Variants in CTSB observed in about 807,000 individuals in gnomAD.
CTSB encodes the protein APP secretase.
A neutral mutation model predicts 44.3 loss-of-function variants in CTSB; 57 were observed. That is an observed-to-expected ratio of 1.29 (90% CI 1.04 to 1.60). The LOEUF (loss-of-function observed/expected upper bound fraction) is 1.60. CTSB is among the 40% of genes most tolerant of loss of function. The pLI is 0.00. For missense variants in CTSB, 768 were observed against 443.0 expected (o/e 1.73, Z -6.59); for synonymous variants, 320 against 168.0 (o/e 1.91, Z -7.00).
In CTSB at chr8:11,847,041, T is replaced by TCA; in HGVS notation, c.793+9_793+10dup. The stretch of plus-strand genomic sequence containing the variant: ...CCCCACCCTCTATTGCCATCAGCCA[T>TCA]CAGCACGCACCTGACTTGTAGAGCA... On this transcript the variant is annotated intron_variant, in intron 8 of 9. Transcript: ENST00000353047. The TCA allele has an allele frequency of 1.4e-6, 1 of 696,242 alleles. No individual in the cohort carries two copies. Among genetic ancestry groups the TCA allele is most frequent in the Non-Finnish European group, 2.5e-6 (1 of 404,664 alleles). 43.1% of individuals were successfully genotyped at this position (696,242 alleles called of 1,614,324 possible).
chr8:11,853,271 C>A (rs1003608150), intron 2 of CTSB, 58 bp downstream of exon 2: 9 of 1,595,230 alleles, frequency 5.6e-6, no homozygotes, highest in South Asian at 1.1e-5. Context: ...TTCCTGGAGT[C>A]AGTGTGCACA....
chr8:11,862,185 C>T (rs542756346), intron 1 of CTSB, among the ~76,000 whole-genome samples: 120 of 143,284 alleles, frequency 8.4e-4, no homozygotes, highest in African/African-American at 3.0e-3. Flanking sequence ...CCAGCCTGGG[C>T]GACAGAGTCA....
intron 1 of CTSB, among the ~76,000 whole-genome samples, chr8:11,861,119 G>A (rs1816342228): frequency 1.3e-5 from 2 of 152,296 alleles, no homozygotes; most frequent in South Asian, 2.1e-4. Context: ...TTAAATTAAG[G>A]ACAAAAACAA....
Position 11,845,597 on chromosome 8 carries a change from C to T in CTSB, c.922+64G>A, listed in dbSNP as rs950538366. The T allele has an allele frequency of 4.1e-5, 65 of 1,571,680 alleles. 1 individual carries two copies. The highest frequency in any genetic ancestry group is 6.8e-5 in the East Asian group (3 of 44,180). ...GTGCGGTGGGTAGAACAGAGAAAGC[C>T]GAGATGGCCACGGGGTGTGGCTCAC... On this transcript the variant is annotated intron_variant, in intron 9 of 9. Transcript: ENST00000353047.
chr8:11,856,825 C>A (rs998275608), intron 1 of CTSB, among the ~76,000 whole-genome samples: 3 of 148,558 alleles, frequency 2.0e-5, no homozygotes, highest in Non-Finnish European at 3.0e-5. Flanking sequence ...GGTGGGGAGA[C>A]TTTTTTTCAC....
intron 3 of CTSB, among the ~76,000 whole-genome samples, chr8:11,852,009 G>T (rs1312123289): frequency 6.6e-6 from 1 of 152,082 alleles, no homozygotes; most frequent in Non-Finnish European, 1.5e-5. Context: ...ACTCAAGATT[G>T]AGTCTGCCCA....
chr8:11,850,643 C>T (rs1249092010), intron 4 of CTSB: 14 of 416,296 alleles, frequency 3.4e-5, no homozygotes, highest in South Asian at 1.5e-4. Context: ...CACCTGTACA[C>T]GTGGACTTGC....
In CTSB at chr8:11,845,638, G is replaced by A. The variant is rs759335613; in HGVS notation, c.922+23C>T. ...TGTGGCTCACAATTCACTGTTCTTG[G>A]CAGGAAGGGGGCAGCCACTCACCAT... On this transcript the variant is annotated intron_variant, in intron 9 of 9. Coordinates refer to ENST00000353047, the MANE Select transcript of CTSB (RefSeq NM_001908.5). 7 of 1,608,814 alleles carry A rather than the reference G, an allele frequency of 4.4e-6. No individual in the cohort carries two copies. In the South Asian group the frequency reaches 7.7e-5, roughly 18 times the overall value.
intron 2 of CTSB, 113 bp from the exon 3 acceptor site, chr8:11,852,808 G>C (rs753983379): frequency 2.2e-5 from 20 of 920,616 alleles, no homozygotes; most frequent in African/African-American, 3.3e-5. Context: ...CCCAATTCAA[G>C]GGCCCAAGGG....
At position 11,847,122 on chromosome 8, in the gene CTSB, G is replaced by T. The variant is rs772885286; in HGVS notation, c.723C>A (p.Ala241=). Residue 241 remains alanine, a synonymous_variant, in exon 8 of 10, where the codon GCC becomes GCA. Transcript: ENST00000353047. The stretch of plus-strand genomic sequence containing the variant: ...CCACGGGGCCGTTTTTGTAGATCTC[G>T]GCCATGATGTCCTTCTCGCTATTGG... ...SVSNSEKDIM[A]EIYKNGPVEG... The T allele has an allele frequency of 1.2e-6, 2 of 1,613,692 alleles. No homozygotes were observed. Among genetic ancestry groups the T allele is most frequent in the South Asian group, 1.1e-5 (1 of 91,068 alleles).
chr8:11,859,767 C>CAAAAA lies in CTSB; in HGVS notation c.-25-6293_-25-6289dup, dbSNP rs36047077. On this transcript the variant is annotated intron_variant, in intron 1 of 9. Transcript: ENST00000353047. ...TGGGCAACAGAGCGAGACTCTGTCT[C>CAAAAA]AAAAAAAAAAAAAAAAAAAAAAAAA... is the stretch of plus-strand genomic sequence containing the variant. Among the ~76,000 whole-genome samples, 22 of 38,970 alleles carry CAAAAA rather than the reference C, an allele frequency of 5.6e-4. 2 individuals carry two copies. Among genetic ancestry groups the CAAAAA allele is most frequent in the African/African-American group, 8.3e-4 (6 of 7,234 alleles). 25.6% of individuals were successfully genotyped at this position (38,970 alleles called of 152,430 possible). A position where few individuals can be genotyped will look rare whatever the true frequency, so the allele number is the denominator to read the frequency against.
intron 5 of CTSB, among the ~76,000 whole-genome samples, 178 bp downstream of exon 5, chr8:11,848,868 A>G (rs993446793): frequency 1.3e-5 from 2 of 152,164 alleles, no homozygotes; most frequent in Admixed American, 6.5e-5. Context: ...GCCTTGGTTC[A>G]GGCACCTCCC....
chr8:11,850,419 C>CAAAAAAAAAAAAAAAAAAAAA (rs61067792), intron 4 of CTSB, among the ~76,000 whole-genome samples: 3 of 53,772 alleles, frequency 5.6e-5, no homozygotes, highest in Non-Finnish European at 9.9e-5. Flanking sequence ...ACTCCATCTC[C>CAAAAAAAAAAAAAAAAAAAAA]AAAAAAAAAA....
intron 1 of CTSB, among the ~76,000 whole-genome samples, chr8:11,858,153 G>A (rs549813223): frequency 2.0e-5 from 3 of 152,226 alleles, no homozygotes; most frequent in African/African-American, 4.8e-5. Flanking sequence ...TGCCTGGCAT[G>A]CAGTGATAAG....
chr8:11,846,069 G>C (rs187933838), intron 8 of CTSB: 17 of 262,166 alleles, frequency 6.5e-5, no homozygotes, highest in African/African-American at 3.3e-4. Flanking sequence ...CATTCTAATT[G>C]ATAAAACATT....
At chr8:11,854,463 G>C (rs759736557) in intron 1 of CTSB, among the ~76,000 whole-genome samples, 24 of 151,934 alleles carry the variant, frequency 1.6e-4, no homozygotes, top group Non-Finnish European at 2.9e-4. Context: ...AAATATATGA[G>C]GACAGCAAGA....
At chr8:11,863,148 A>G (rs1286248017) in intron 1 of CTSB, among the ~76,000 whole-genome samples, 1 of 152,220 alleles carries the variant, frequency 6.6e-6, no homozygotes, top group Non-Finnish European at 1.5e-5. Flanking sequence ...TCGTCTCTAT[A>G]TAGAAAATTA....
At chr8:11,858,348 G>A (rs1348292958) in intron 1 of CTSB, among the ~76,000 whole-genome samples, 4 of 152,140 alleles carry the variant, frequency 2.6e-5, no homozygotes, top group Admixed American at 1.3e-4. Context: ...AGGCTGGAGT[G>A]CAGTGGCACG....
chr8:11,863,845 AC>A (rs1816749919), intron 1 of CTSB, among the ~76,000 whole-genome samples: 1 of 152,184 alleles, frequency 6.6e-6, no homozygotes, highest in Non-Finnish European at 1.5e-5. Flanking sequence ...TGATGCAACC[AC>A]ACTGGAGAAC....
Sources: allele counts gnomAD v4.1 joint callset (sites outside exome capture counted in the v4.1 genomes callset), GRCh38; gene constraint gnomAD v4.1.1; transcripts MANE v1.5; gene names NCBI Gene and HGNC (gene_info 2026-07-23, HGNC 2026-07-21).